Variants in UNC79 observed in about 807,000 individuals in gnomAD.
UNC79 encodes the protein protein unc-79 homolog.
Under a neutral mutation model 283.1 loss-of-function variants are expected in UNC79, and 37 were observed. That is an observed-to-expected ratio of 0.13 (90% CI 0.10 to 0.17). UNC79 has a LOEUF of 0.17. Among genes scored for constraint, UNC79 ranks in the 10% least tolerant of loss-of-function variants. The pLI is 1.00. For missense variants in UNC79, 2,272 were observed against 3,211.1 expected (o/e 0.71, Z 7.07); for synonymous variants, 1,107 against 1,200.2 (o/e 0.92, Z 1.61).
upstream of UNC79, among the ~76,000 whole-genome samples, chr14:93,426,366 AT>A (rs1186866306): frequency 2.0e-5 from 3 of 150,342 alleles, no homozygotes; most frequent in South Asian, 2.1e-4. Flanking sequence ...ATATCTGTAA[AT>A]TTTTTTTGTC....
At chr14:93,386,897 T>C (rs1014257984) in intron 1 of UNC79, among the ~76,000 whole-genome samples, 1 of 151,316 alleles carries the variant, frequency 6.6e-6, no homozygotes. Flanking sequence ...TTTTGTATTG[T>C]TTCATTCATT....
At chr14:93,694,273 A>G (rs777321491) in intron 46 of UNC79, 62 bp from the exon 50 acceptor site, 1 of 1,531,756 alleles carries the variant, frequency 6.5e-7, no homozygotes, top group Non-Finnish European at 9.0e-7. Flanking sequence ...GCGGCTGCAA[A>G]CTAGTTTGCA....
chr14:93,436,978 G>A (rs1304737813), intron 1 of UNC79, among the ~76,000 whole-genome samples: 2 of 151,652 alleles, frequency 1.3e-5, no homozygotes, highest in African/African-American at 2.4e-5. Context: ...AGCATTTCAG[G>A]GTATCTTTCA....
intron 1 of UNC79, among the ~76,000 whole-genome samples, chr14:93,434,143 G>T (rs2055989766): frequency 6.6e-6 from 1 of 152,014 alleles, no homozygotes; most frequent in South Asian, 2.1e-4. Context: ...AACCTGGGAG[G>T]CGGAGATTGC....
At chr14:93,444,061 C>T (rs1163895457) in intron 1 of UNC79, among the ~76,000 whole-genome samples, 3 of 152,092 alleles carry the variant, frequency 2.0e-5, no homozygotes, top group Non-Finnish European at 4.4e-5. Flanking sequence ...ATGTTCCCAC[C>T]AGCAATGTAG....
At chr14:93,463,428 G>A (rs542216691) in intron 1 of UNC79, among the ~76,000 whole-genome samples, 4 of 152,238 alleles carry the variant, frequency 2.6e-5, no homozygotes, top group East Asian at 1.9e-4. Context: ...GAGGACTGTC[G>A]CTGGAGGGGA....
At chr14:93,651,912 A>ATTTTTTTT (rs71129653) in intron 35 of UNC79, among the ~76,000 whole-genome samples, 2 of 46,600 alleles carry the variant, frequency 4.3e-5, no homozygotes, top group Non-Finnish European at 8.1e-5. Context: ...CTAATTTTGT[A>ATTTTTTTT]TTTTTTTTTT....
At chr14:93,566,335 A>AC (rs953872669) in intron 14 of UNC79, among the ~76,000 whole-genome samples, 2 of 152,122 alleles carry the variant, frequency 1.3e-5, no homozygotes, top group African/African-American at 2.4e-5. Flanking sequence ...AGCAAGGGAG[A>AC]CAGTGGAAGT....
rs187459579 is a variant in UNC79 at position 93,493,982 on chromosome 14, C to T, written c.713-2429C>T. Among the ~76,000 whole-genome samples, 86 of 144,794 alleles carry T rather than the reference C, an allele frequency of 5.9e-4. No individual in the cohort carries two copies. The East Asian group carries it at 0.013, about 22-fold the overall frequency. 95.0% of individuals were successfully genotyped at this position (144,794 alleles called of 152,430 possible). ...GCAGTGGCACAATCTCAGCTCACTG[C>T]AACTTCCGCCTCCCAGGTTCAAGCA... On this transcript the variant is annotated intron_variant, in intron 5 of 48. Transcript: ENST00000555664.
At chr14:93,381,340 T>G (rs916132523) in intron 1 of UNC79, among the ~76,000 whole-genome samples, 1 of 152,202 alleles carries the variant, frequency 6.6e-6, no homozygotes, top group African/African-American at 2.4e-5. Context: ...GTGGGTGCTT[T>G]TCCCTCATTT....
intron 1 of UNC79, among the ~76,000 whole-genome samples, chr14:93,373,158 A>G (rs1488468357): frequency 1.3e-5 from 2 of 152,242 alleles, no homozygotes; most frequent in Admixed American, 1.3e-4. Flanking sequence ...GGGATGCACA[A>G]AAGTAGAGCT....
intron 31 of UNC79, among the ~76,000 whole-genome samples, chr14:93,631,998 A>G (rs536239044): frequency 6.6e-6 from 1 of 152,242 alleles, no homozygotes; most frequent in Non-Finnish European, 1.5e-5. Flanking sequence ...CAATTGTTAC[A>G]TCAACACATG....
chr14:93,601,250 C>T (rs1267237463), intron 25 of UNC79, among the ~76,000 whole-genome samples: 2 of 148,864 alleles, frequency 1.3e-5, no homozygotes, highest in Non-Finnish European at 3.0e-5. Flanking sequence ...TCCCTCACCC[C>T]CCTTCCACCC....
At chr14:93,435,929 C>T (rs1200953725) in intron 1 of UNC79, among the ~76,000 whole-genome samples, 1 of 152,176 alleles carries the variant, frequency 6.6e-6, no homozygotes, top group Non-Finnish European at 1.5e-5. Context: ...GCTTTGAAAC[C>T]TTGCCTGATT....
chr14:93,371,734 G>A (rs1405826923), intron 1 of UNC79, among the ~76,000 whole-genome samples: 1 of 152,034 alleles, frequency 6.6e-6, no homozygotes, highest in South Asian at 2.1e-4. Context: ...CCAGCTACTC[G>A]GGAGGCTGAG....
At chr14:93,484,803 C>T (rs2058329206) in intron 4 of UNC79, among the ~76,000 whole-genome samples, 2 of 152,262 alleles carry the variant, frequency 1.3e-5, no homozygotes, top group South Asian at 4.1e-4. Flanking sequence ...TTTATTCAGT[C>T]TGTTAGAAGG....
intron 37 of UNC79, among the ~76,000 whole-genome samples, 176 bp from the exon 41 acceptor site, chr14:93,655,058 T>C (rs994346129): frequency 6.6e-6 from 1 of 152,220 alleles, no homozygotes; most frequent in African/African-American, 2.4e-5. Flanking sequence ...CCCCTTAAGT[T>C]TGTCTGAACG....
chr14:93,494,415 GGAA>G (rs1389818752), intron 5 of UNC79, among the ~76,000 whole-genome samples: 1 of 152,182 alleles, frequency 6.6e-6, no homozygotes, highest in Non-Finnish European at 1.5e-5. Context: ...TGGAGGCATT[GGAA>G]GAAGAAGATC....
At chr14:93,694,362 A>C in exon 47 of UNC79, 1 of 1,611,614 alleles carries the variant, frequency 6.2e-7, no homozygotes, top group South Asian at 1.1e-5. Context: ...TCTCCATGTG[A>C]TTAGTTTAAT....
Sources: gnomAD v4.1 joint callset for allele counts (sites outside exome capture counted in the v4.1 genomes callset) on GRCh38, gnomAD v4.1.1 for gene constraint, MANE v1.5 for transcripts, NCBI Gene and HGNC (gene_info 2026-07-23, HGNC 2026-07-21) for gene names.